The following TASOR variants were observed in gnomAD, a reference collection of about 807,000 sequenced individuals.
The protein encoded by TASOR is transcription activation suppressor, also known as protein TASOR.
Under a neutral mutation model 178.6 loss-of-function variants are expected in TASOR, and 53 were observed. That is an observed-to-expected ratio of 0.30 (90% CI 0.24 to 0.37). The LOEUF is 0.37. Among genes scored for constraint, TASOR ranks in the 10% least tolerant of loss-of-function variants. TASOR has a pLI of 1.00. For synonymous variants in TASOR, 713 were observed against 696.2 expected (o/e 1.02, Z -0.38); for missense variants, 1,815 against 1,971.4 (o/e 0.92, Z 1.50).
At position 56,627,153 on chromosome 3, in the gene TASOR, A is replaced by T; in HGVS notation, c.4031-8T>A. ...AAAAATTTTTAAGGTTCTCTGTTAGAGATAATGAAGTTTGTTTTTAATTCA... is the reference window on the plus strand; with the variant it reads ...AAAAATTTTTAAGGTTCTCTGTTAGTGATAATGAAGTTTGTTTTTAATTCA... On this transcript the variant is annotated splice_region_variant and splice_polypyrimidine_tract_variant and intron_variant, in intron 20 of 23. Transcript: ENST00000683822. 1 of 1,482,858 alleles carries T rather than the reference A, an allele frequency of 6.7e-7. No homozygotes were observed. The highest frequency in any genetic ancestry group is 9.3e-7 in the Non-Finnish European group (1 of 1,076,014). 91.9% of individuals were successfully genotyped at this position (1,482,858 alleles called of 1,614,324 possible).
rs1366309352 is a variant in TASOR, at chr3:56,638,697, C to G, written c.2824+9G>C. On this transcript the variant is annotated intron_variant, in intron 17 of 23. Coordinates refer to ENST00000683822, the MANE Select transcript of TASOR (RefSeq NM_001365635.2). ...ACACTGGGAAGAAAAGCAAAGCAAGCCTTCTCACCTGGTGTTTGTTTCTCA... is the reference window on the plus strand; with the variant it reads ...ACACTGGGAAGAAAAGCAAAGCAAGGCTTCTCACCTGGTGTTTGTTTCTCA... 6.2e-7 allele frequency: 1 copy of G among 1,613,932 alleles called. No individual in the cohort carries two copies. Among genetic ancestry groups the G allele is most frequent in the Non-Finnish European group, 8.5e-7 (1 of 1,179,962 alleles).
At position 56,660,361 on chromosome 3, in the gene TASOR, G is replaced by C. The variant is rs948547744; in HGVS notation, c.1368+370C>G. 2.6e-5 allele frequency among the ~76,000 whole-genome samples: 4 copies of C among 151,706 alleles called. No individual in the cohort carries two copies. The East Asian group carries it at 7.9e-4, about 30-fold the overall frequency. On this transcript the variant is annotated intron_variant, in intron 11 of 23. Coordinates refer to ENST00000683822, the MANE Select transcript of TASOR (RefSeq NM_001365635.2). ...AAAAATCAGCTGGCTGTGGTGGTGT[G>C]CACATGTAATCCCAGCTACTCAGGA... is the stretch of plus-strand genomic sequence containing the variant.
At chr3:56,672,791 C>A (rs1206411328) in intron 2 of TASOR, among the ~76,000 whole-genome samples, 2 of 152,142 alleles carry the variant, frequency 1.3e-5, no homozygotes, top group African/African-American at 2.4e-5. Flanking sequence ...GTACAATACT[C>A]AAAGAGCAAA....
chr3:56,676,077 A>G (rs537382756), intron 1 of TASOR, among the ~76,000 whole-genome samples: 1 of 152,358 alleles, frequency 6.6e-6, no homozygotes, highest in South Asian at 2.1e-4. Flanking sequence ...TACTCAACAC[A>G]AAGTGTCCTA....
Position 56,623,330 on chromosome 3 carries a change from T to C in TASOR, c.4720A>G (p.Ile1574Val), listed in dbSNP as rs144187636. Reference sequence around the variant, plus strand: ...TCTCCTTCAGAGCATACTATATCAATAGAAGTTCTCTCTTCAGAATCAAGG... The same window carrying C: ...TCTCCTTCAGAGCATACTATATCAACAGAAGTTCTCTCTTCAGAATCAAGG... ...TYLDSEERTS[I>V]DIVCSEGENS... Residue 1574 changes from isoleucine to valine, a missense_variant, in exon 24 of 24, where the codon ATT becomes GTT. This residue lies in a region of TASOR where 278 missense variants were observed against 257.1 expected (regional missense o/e 1.08). Transcript: ENST00000683822. 16 of 1,613,464 alleles carry C rather than the reference T, an allele frequency of 9.9e-6. No homozygotes were observed. The highest frequency in any genetic ancestry group is 1.6e-4 in the Middle Eastern group (1 of 6,080).
intron 17 of TASOR, among the ~76,000 whole-genome samples, chr3:56,634,954 C>T (rs960345321): frequency 6.6e-6 from 1 of 152,116 alleles, no homozygotes; most frequent in Non-Finnish European, 1.5e-5. Context: ...GCTTAGAAGA[C>T]GTATACACAA....
intron 11 of TASOR, among the ~76,000 whole-genome samples, chr3:56,649,350 A>T (rs140787666): frequency 1.3e-5 from 2 of 152,326 alleles, no homozygotes; most frequent in African/African-American, 4.8e-5. Flanking sequence ...ACAAGGACCA[A>T]GCTAAAGACT....
chr3:56,667,555 G>T (rs1392642523), intron 6 of TASOR, among the ~76,000 whole-genome samples: 1 of 152,200 alleles, frequency 6.6e-6, no homozygotes, highest in African/African-American at 2.4e-5. Context: ...TACTTGGGAG[G>T]CTGAGGCAGG....
intron 10 of TASOR, 27 bp downstream of exon 10, chr3:56,660,887 C>T: frequency 2.5e-6 from 4 of 1,605,548 alleles, no homozygotes; most frequent in Non-Finnish European, 3.4e-6. Context: ...GCTTCTAATG[C>T]ATTTCAATAA....
At chr3:56,641,815 C>A in intron 14 of TASOR, 63 bp from the exon 15 acceptor site, 1 of 1,468,560 alleles carries the variant, frequency 6.8e-7, no homozygotes. Context: ...CTTTTAAAAT[C>A]AAATATACCT....
At chr3:56,664,636 G>A (rs561897647) in intron 7 of TASOR, among the ~76,000 whole-genome samples, 25 of 152,284 alleles carry the variant, frequency 1.6e-4, no homozygotes, top group African/African-American at 4.8e-4. Context: ...TAGAACAGCA[G>A]TATTTCTAAA....
intron 17 of TASOR, among the ~76,000 whole-genome samples, chr3:56,636,702 A>G (rs1009934930): frequency 6.6e-6 from 1 of 151,978 alleles, no homozygotes; most frequent in Non-Finnish European, 1.5e-5. Context: ...TGCTTTTTTA[A>G]AAAAAAACTT....
At position 56,641,635 on chromosome 3, in the gene TASOR, G is replaced by A. The variant is rs1242784306; in HGVS notation, c.2333C>T (p.Thr778Ile). 3 of 1,614,168 alleles carry A rather than the reference G, an allele frequency of 1.9e-6. No homozygotes were observed. Among genetic ancestry groups the A allele is most frequent in the Admixed American group, 3.3e-5 (2 of 60,016 alleles). The change falls in exon 15 of 24, where the codon ACA (threonine) becomes ATA (isoleucine). Residue 778 changes from threonine to isoleucine, a missense_variant. By Grantham distance (89) the Thr-to-Ile change is moderately conservative. Transcript: ENST00000683822. Reference sequence around the variant, plus strand: ...ATCAGAATGGCGCGCATTTGCTAGTGTTTCTGATAACCAATTAAACAGCCT... The same window carrying A: ...ATCAGAATGGCGCGCATTTGCTAGTATTTCTGATAACCAATTAAACAGCCT... ...IHRLFNWLSE[T>I]LANARHSDAS...
At chr3:56,672,569 C>T (rs974378266) in intron 2 of TASOR, among the ~76,000 whole-genome samples, 3 of 152,176 alleles carry the variant, frequency 2.0e-5, no homozygotes, top group African/African-American at 7.2e-5. Context: ...CTCAAATATT[C>T]TAATTTGTAC....
chr3:56,627,623 A>G lies in TASOR; in HGVS notation c.3989T>C (p.Val1330Ala). 6.2e-7 allele frequency: 1 copy of G among 1,614,158 alleles called. No individual in the cohort carries two copies. The highest frequency in any genetic ancestry group is 8.5e-7 in the Non-Finnish European group (1 of 1,179,982). The change falls in exon 20 of 24, where the codon GTA becomes GCA. Residue 1330 changes from valine (V) to alanine (A), a missense_variant. Transcript: ENST00000683822. ...NELFVSGGFI[V>A]SDESILNPEV... is the part of the protein sequence containing the mutation. ...TGGGTTTAGAATTGATTCATCAGAT[A>G]CGATAAAACCTCCAGATACAAATAA...
In TASOR at chr3:56,660,949, A is replaced by C. The variant is rs1311443778; in HGVS notation, c.1229T>G (p.Leu410Arg). 6.2e-7 allele frequency: 1 copy of C among 1,611,326 alleles called. No individual in the cohort carries two copies. Among genetic ancestry groups the C allele is most frequent in the South Asian group, 1.1e-5 (1 of 90,822 alleles). ...ACCTAAGTATGTTTCCTTATAAAAC[A>C]GTGCTGGAGGGATTTTCTGTTTCAG... ...DHLKQKIPPA[L>R]FYKETYLGPN... The change falls in exon 10 of 24, where the codon CTG (leucine) becomes CGG (arginine). Residue 410 changes from leucine (L) to arginine (R), a missense_variant. Coordinates refer to ENST00000683822, the MANE Select transcript of TASOR (RefSeq NM_001365635.2).
intron 1 of TASOR, among the ~76,000 whole-genome samples, chr3:56,679,268 T>C (rs1296277771): frequency 2.6e-5 from 4 of 152,172 alleles, no homozygotes; most frequent in African/African-American, 9.7e-5. Flanking sequence ...AGACAATACT[T>C]TAGGAGTGGG....
At chr3:56,665,073 C>G (rs907335865) in intron 7 of TASOR, among the ~76,000 whole-genome samples, 1 of 151,958 alleles carries the variant, frequency 6.6e-6, no homozygotes, top group Admixed American at 6.6e-5. Context: ...TTGGGAGGAT[C>G]GCTTGCACAC....
chr3:56,670,115 C>T lies in TASOR; in HGVS notation c.601G>A (p.Val201Met), dbSNP rs1178599395. The stretch of plus-strand genomic sequence containing the variant: ...AGAATTGTTATTTTGGACTGACCCA[C>T]ATGTAATCCTTTTTCACATATGGTT... ...VQTICEKGLH[V>M]GQSKITILGS... The change falls in exon 4 of 24, where the codon GTG becomes ATG. Residue 201 changes from valine (V) to methionine (M), a missense_variant. Val to Met is a conservative substitution (Grantham distance 21). Coordinates refer to ENST00000683822, the MANE Select transcript of TASOR (RefSeq NM_001365635.2). 6.5e-7 allele frequency: 1 copy of T among 1,539,770 alleles called. No homozygotes were observed. Among genetic ancestry groups the T allele is most frequent in the Non-Finnish European group, 8.8e-7 (1 of 1,141,828 alleles).
Sources: gnomAD v4.1 joint callset for allele counts (sites outside exome capture counted in the v4.1 genomes callset) on GRCh38, gnomAD v4.1.1 for gene constraint, gnomAD v4.1.1 regional missense constraint, MANE v1.5 for transcripts, NCBI Gene and HGNC (gene_info 2026-07-23, HGNC 2026-07-21) for gene names.